The following PCDHGA1 variants were observed in gnomAD, a reference collection of about 807,000 sequenced individuals.
PCDHGA1 encodes the protein protocadherin gamma subfamily A, 1, also known as protocadherin gamma-A1.
PCDHGA1 carries 32 observed loss-of-function variants against 58.0 expected under a neutral mutation model. The observed-to-expected ratio is 0.55, with a 90% confidence interval of 0.42 to 0.74. The LOEUF is 0.74. Among genes scored for constraint, PCDHGA1 ranks in the 30% least tolerant of loss-of-function variants. The pLI is 0.00. For synonymous variants in PCDHGA1, 498 were observed against 501.1 expected, an observed-to-expected ratio of 0.99 and a Z score of 0.08; for missense variants, 1,205 against 1,182.3, an observed-to-expected ratio of 1.02 and a Z score of -0.28.
At chr5:141,422,965 C>T (rs2096693602) in intron 1 of PCDHGA1, 2 of 1,614,116 alleles carry the variant, frequency 1.2e-6, no homozygotes, top group African/African-American at 2.7e-5. Context: ...GGAGCTGGCG[C>T]CCCGCTCTGC....
At chr5:141,426,830 C>A (rs559240163) in intron 1 of PCDHGA1, 301 of 456,662 alleles carry the variant, frequency 6.6e-4, no homozygotes, top group African/African-American at 5.8e-3. Flanking sequence ...TGATGATGGA[C>A]AAGACTAAAG....
Position 141,340,690 on chromosome 5 carries a change from T to C in PCDHGA1, c.2421+7585T>C, listed in dbSNP as rs61749028. The C allele has an allele frequency of 4.3e-4, 697 of 1,614,128 alleles. 3 individuals carry two copies. The African/African-American group carries it at 7.7e-3, about 18-fold the overall frequency. On this transcript the variant is annotated intron_variant, in intron 1 of 3. Coordinates refer to ENST00000517417, the MANE Select transcript of PCDHGA1 (RefSeq NM_018912.3). The stretch of plus-strand genomic sequence containing the variant: ...CTGCCTTCCCCACAGACGGTTCCAC[T>C]GGCGTGGAGCTGGCGCCCCGCTCCG...
chr5:141,410,561 G>T (rs201832666), intron 1 of PCDHGA1: 171 of 1,612,580 alleles, frequency 1.1e-4, no homozygotes, highest in Admixed American at 2.7e-4. Context: ...TTCTCCTGGA[G>T]CCTTAATTCC....
intron 1 of PCDHGA1, chr5:141,391,966 T>A (rs1389260854): frequency 1.3e-5 from 2 of 152,162 alleles, no homozygotes; most frequent in African/African-American, 2.4e-5. Context: ...ACAATGTAAA[T>A]AAAATAGCAA....
chr5:141,362,112 G>A, intron 1 of PCDHGA1: 1 of 1,613,988 alleles, frequency 6.2e-7, no homozygotes, highest in Non-Finnish European at 8.5e-7. Flanking sequence ...CTACGGCCAC[G>A]CTGCACCTAA....
chr5:141,384,399 A>G (rs1269939422), intron 1 of PCDHGA1: 2 of 1,613,970 alleles, frequency 1.2e-6, no homozygotes, highest in Non-Finnish European at 1.7e-6. Context: ...AGGGGGCTCC[A>G]GTGTCCTCCT....
intron 1 of PCDHGA1, chr5:141,418,282 A>G (rs1209026046): frequency 6.2e-7 from 1 of 1,614,030 alleles, no homozygotes; most frequent in Admixed American, 1.7e-5. Flanking sequence ...TAAACTTAGA[A>G]ATCAGTGAAT....
intron 1 of PCDHGA1, among the ~76,000 whole-genome samples, chr5:141,434,824 A>ACTTG (rs1561875192): frequency 1.3e-5 from 2 of 151,888 alleles, no homozygotes; most frequent in African/African-American, 4.8e-5. Flanking sequence ...CCCTTAGTAC[A>ACTTG]CTTGGCATTT....
At position 141,486,883 on chromosome 5, in the gene PCDHGA1, C is replaced by G. The variant is rs1234866888; in HGVS notation, c.2422-7924C>G. The G allele has an allele frequency of 1.2e-6, 2 of 1,614,214 alleles. No individual in the cohort carries two copies. ...CTCCAGCTGTGCTCCGTCCTCGGGC[C>G]CGGCCTGGTTCCTTATGTCCCCAAG... On this transcript the variant is annotated intron_variant, in intron 1 of 3. Coordinates refer to ENST00000517417, the MANE Select transcript of PCDHGA1 (RefSeq NM_018912.3). The surrounding 1 kb of genome is among the most constrained non-coding windows in gnomAD (Gnocchi z 5.0).
rs141363854 is a variant in PCDHGA1, at chr5:141,371,204, T to C, written c.2421+38099T>C. 1.5e-4 allele frequency: 240 copies of C among 1,614,012 alleles called. 1 individual carries two copies. The African/African-American group carries it at 3.0e-3, about 20-fold the overall frequency. ...TAAAAGTGATGGCCATTGACATGGA[T>C]GAGGGCATCAATGCCGAAATCATCT... On this transcript the variant is annotated intron_variant, in intron 1 of 3. Coordinates refer to ENST00000517417, the MANE Select transcript of PCDHGA1 (RefSeq NM_018912.3).
At chr5:141,379,573 G>C (rs1470548160) in intron 1 of PCDHGA1, 1 of 152,120 alleles carries the variant, frequency 6.6e-6, no homozygotes, top group Non-Finnish European at 1.5e-5. Context: ...GATCAGGCTG[G>C]TTTATTTTAT....
chr5:141,456,773 G>A (rs1178932462), intron 1 of PCDHGA1, among the ~76,000 whole-genome samples: 6 of 151,980 alleles, frequency 3.9e-5, no homozygotes, highest in African/African-American at 1.2e-4. Context: ...GACCAGCCTG[G>A]CCTACATGGC....
At chr5:141,443,169 T>C (rs946262743) in intron 1 of PCDHGA1, among the ~76,000 whole-genome samples, 2 of 152,170 alleles carry the variant, frequency 1.3e-5, no homozygotes, top group Non-Finnish European at 2.9e-5. Flanking sequence ...TCCCTACCCA[T>C]GTCCACTGCA....
chr5:141,331,932 T>C lies in PCDHGA1; in HGVS notation c.1248T>C (p.Ser416=), dbSNP rs1490317405. The C allele has an allele frequency of 1.9e-6, 3 of 1,614,078 alleles. No individual in the cohort carries two copies. Among genetic ancestry groups the C allele is most frequent in the Non-Finnish European group, 2.5e-6 (3 of 1,180,052 alleles). Residue 416 remains serine (S), a synonymous_variant, in exon 1 of 4, where the codon TCT becomes TCC. Transcript: ENST00000517417. ...TERTLDRELI[S]GYNITITAID... is the part of the protein sequence containing the mutation. Reference sequence around the variant, plus strand: ...GAACACTGGACAGAGAACTTATCTCTGGGTACAACATCACAATAACAGCAA... The same window carrying C: ...GAACACTGGACAGAGAACTTATCTCCGGGTACAACATCACAATAACAGCAA...
chr5:141,393,473 G>A (rs1190605709), intron 1 of PCDHGA1: 1 of 1,614,044 alleles, frequency 6.2e-7, no homozygotes, highest in East Asian at 2.2e-5. Flanking sequence ...GCGGCAAGCC[G>A]CCTCGCTCTA....
intron 1 of PCDHGA1, among the ~76,000 whole-genome samples, chr5:141,337,261 T>C (rs2149718512): frequency 6.6e-6 from 1 of 152,334 alleles, no homozygotes; most frequent in East Asian, 1.9e-4. Flanking sequence ...ATCCAGCAAT[T>C]CCACTCTGGT....
At chr5:141,505,300 G>A in intron 2 of PCDHGA1, 93 bp from the exon 3 acceptor site, 1 of 1,589,042 alleles carries the variant, frequency 6.3e-7, no homozygotes, top group South Asian at 1.1e-5. Flanking sequence ...GGTAGGGTTA[G>A]GGTACTAGGT....
chr5:141,360,178 C>T (rs1291288945), intron 1 of PCDHGA1: 2 of 1,609,980 alleles, frequency 1.2e-6, no homozygotes, highest in African/African-American at 1.3e-5. Context: ...GCGGTGGCTG[C>T]AGGTACTGTT....
intron 1 of PCDHGA1, chr5:141,345,879 C>A: frequency 1.2e-6 from 2 of 1,613,490 alleles, no homozygotes; most frequent in Non-Finnish European, 1.7e-6. Flanking sequence ...CGAGCCGGGA[C>A]TCTTCTCGGT....
Sources: gnomAD v4.1 joint callset for allele counts (sites outside exome capture counted in the v4.1 genomes callset) on GRCh38, gnomAD v4.1.1 for gene constraint, Gnocchi (gnomAD v3.1) non-coding constraint, MANE v1.5 for transcripts, NCBI Gene and HGNC (gene_info 2026-07-23, HGNC 2026-07-21) for gene names.